The following TXNRD2 variants were observed in gnomAD, a reference collection of about 807,000 sequenced individuals.
The protein encoded by TXNRD2 is thioredoxin reductase 2, mitochondrial.
In TXNRD2, 67 loss-of-function variants were observed where a neutral mutation model predicts 70.8. The ratio of observed to expected loss-of-function variants is 0.95; its 90% confidence interval spans 0.78 to 1.16. The LOEUF (loss-of-function observed/expected upper bound fraction) is 1.16. Ranked by LOEUF, TXNRD2 falls within the 50% of genes most tolerant of loss-of-function variation. The pLI is 0.00. For synonymous variants in TXNRD2, 301 were observed against 295.8 expected (o/e 1.02, Z -0.18); for missense variants, 644 against 719.9 (o/e 0.89, Z 1.21).
intron 1 of TXNRD2, among the ~76,000 whole-genome samples, chr22:19,932,018 G>A (rs868756406): frequency 2.3e-4 from 35 of 151,774 alleles, no homozygotes; most frequent in South Asian, 1.7e-3. Flanking sequence ...AAAATTAGCC[G>A]GGCATGGTGG....
Position 19,895,436 on chromosome 22 carries a change from C to A in TXNRD2, c.920G>T (p.Gly307Val). The A allele has an allele frequency of 6.2e-7, 1 of 1,613,914 alleles. No individual in the cohort carries two copies. Among genetic ancestry groups the A allele is most frequent in the South Asian group, 1.1e-5 (1 of 91,078 alleles). Residue 307 changes from glycine to valine, a missense_variant, in exon 11 of 18, where the codon GGC becomes GTC. This residue lies in a region of TXNRD2 where 566 missense variants were observed against 645.0 expected (regional missense o/e 0.88). Coordinates refer to ENST00000400521, the MANE Select transcript of TXNRD2 (RefSeq NM_006440.5). ...EDSTTGKEDT[G>V]TFDTVLWAIG... Reference sequence around the variant, plus strand: ...GGCCCACAGGACGGTGTCAAAGGTGCCCGTGTCCTCCTTGCCGGTGGTGCT... The same window carrying A: ...GGCCCACAGGACGGTGTCAAAGGTGACCGTGTCCTCCTTGCCGGTGGTGCT...
In TXNRD2 at chr22:19,931,033, C is replaced by A; in HGVS notation, c.169G>T (p.Glu57Ter). Residue 57 changes from glutamate (E) to a stop codon, truncating the protein, a stop_gained, in exon 2 of 18, where the codon GAG (glutamate) becomes TAG (stop). Transcript: ENST00000400521. LOFTEE classifies it high-confidence loss of function. ...ACGAAGTATACAGAATACATACCCT[C>A]CTTGGCACAAGCCAGGCCACCAGAT... ...GGSGGLACAK[E>*]AAQLGRKVAV... is the part of the protein sequence containing the mutation. The A allele has an allele frequency of 6.2e-7, 1 of 1,613,786 alleles. No individual in the cohort carries two copies. Among genetic ancestry groups the A allele is most frequent in the Non-Finnish European group, 8.5e-7 (1 of 1,179,976 alleles).
intron 17 of TXNRD2, 65 bp downstream of exon 17, chr22:19,876,975 G>T: frequency 2.5e-6 from 3 of 1,212,638 alleles, no homozygotes. Flanking sequence ...GGGAGCCCAT[G>T]GCCAGGGCTC....
intron 2 of TXNRD2, among the ~76,000 whole-genome samples, chr22:19,930,388 A>G (rs562040559): frequency 6.6e-6 from 1 of 152,278 alleles, no homozygotes; most frequent in East Asian, 1.9e-4. Flanking sequence ...GAACTCCTAC[A>G]GCAGGGCACA....
At chr22:19,932,526 A>G in intron 1 of TXNRD2, 1 of 1,546,848 alleles carries the variant, frequency 6.5e-7, no homozygotes, top group Non-Finnish European at 8.7e-7. Flanking sequence ...AGAGAGGGGA[A>G]GTACACTGAA....
chr22:19,912,781 C>T (rs898964580), intron 7 of TXNRD2, among the ~76,000 whole-genome samples: 23 of 152,352 alleles, frequency 1.5e-4, no homozygotes, highest in African/African-American at 5.3e-4. Flanking sequence ...CAGACAAGTC[C>T]CACGGCCTCT....
chr22:19,893,576 C>G (rs1939360284), intron 11 of TXNRD2, among the ~76,000 whole-genome samples: 1 of 152,214 alleles, frequency 6.6e-6, no homozygotes, highest in African/African-American at 2.4e-5. Context: ...CCAGTCCCGT[C>G]AGACAGCCCC....
intron 12 of TXNRD2, among the ~76,000 whole-genome samples, chr22:19,882,389 C>T (rs1225558287): frequency 6.6e-6 from 1 of 152,076 alleles, no homozygotes; most frequent in Admixed American, 6.6e-5. Flanking sequence ...TTAGTAGAGA[C>T]GGTTTCACCA....
chr22:19,878,157 C>A lies in TXNRD2; in HGVS notation c.1378G>T (p.Val460Leu), dbSNP rs770442788. ...GGGCCAAGGAAATGCAGGCCCAGCACCAGCTGTGGGGGCTCCCTCAGGCAC... is the reference window on the plus strand; with the variant it reads ...GGGCCAAGGAAATGCAGGCCCAGCAACAGCTGTGGGGGCTCCCTCAGGCAC... ...MVCLREPPQL[V>L]LGLHFLGPNA... Residue 460 changes from valine (V) to leucine (L), a missense_variant, in exon 16 of 18, where the codon GTG becomes TTG. This residue lies in a region of TXNRD2 where 566 missense variants were observed against 645.0 expected (regional missense o/e 0.88). Transcript: ENST00000400521. 1 of 1,613,338 alleles carries A rather than the reference C, an allele frequency of 6.2e-7. No individual in the cohort carries two copies. The highest frequency in any genetic ancestry group is 1.7e-5 in the Admixed American group (1 of 60,028).
At chr22:19,877,278 AG>A in intron 16 of TXNRD2, 44 bp from the exon 17 acceptor site, 11 of 1,459,718 alleles carry the variant, frequency 7.5e-6, no homozygotes, top group South Asian at 1.1e-5. Flanking sequence ...CAGCACAGGG[AG>A]GGGGGTCCAC....
chr22:19,881,396 T>TC (rs1555907616), intron 12 of TXNRD2: 1 of 259,832 alleles, frequency 3.8e-6, no homozygotes, highest in African/African-American at 3.1e-5. Context: ...TACGGAAACA[T>TC]CCCGGCGGGC....
intron 14 of TXNRD2, among the ~76,000 whole-genome samples, chr22:19,879,710 G>A (rs2145930543): frequency 1.3e-5 from 2 of 152,266 alleles, no homozygotes; most frequent in East Asian, 3.9e-4. Flanking sequence ...GGTGGGGACA[G>A]CACAGAGGCA....
chr22:19,940,520 T>G (rs900013650), intron 1 of TXNRD2, among the ~76,000 whole-genome samples: 4 of 152,144 alleles, frequency 2.6e-5, no homozygotes, highest in African/African-American at 7.2e-5. Context: ...ACCTAGAAAT[T>G]TGGAATTTGG....
rs762625233 is a variant in TXNRD2 at position 19,918,925 on chromosome 22, C to T, written c.309G>A (p.Leu103=). The T allele has an allele frequency of 1.2e-6, 2 of 1,612,970 alleles. No homozygotes were observed. Among genetic ancestry groups the T allele is most frequent in the Admixed American group, 3.3e-5 (2 of 59,986 alleles). ...PKKLMHQAAL[L]GGLIQDAPNY... ...TGGGGGCATCTTGGATCAGGCCTCC[C>T]AGCAGTGCCGCCTGGTGCATCAGCT... is the stretch of plus-strand genomic sequence containing the variant. The change falls in exon 4 of 18, where the codon CTG becomes CTA. Residue 103 remains leucine, a synonymous_variant. Transcript: ENST00000400521.
At chr22:19,939,063 A>G (rs544233680) in intron 1 of TXNRD2, among the ~76,000 whole-genome samples, 1 of 152,328 alleles carries the variant, frequency 6.6e-6, no homozygotes, top group South Asian at 2.1e-4. Flanking sequence ...TAACGTGGGG[A>G]AGAGGGTATG....
intron 2 of TXNRD2, among the ~76,000 whole-genome samples, chr22:19,929,021 G>A (rs1941259693): frequency 7.3e-6 from 1 of 137,104 alleles, no homozygotes; most frequent in African/African-American, 2.7e-5. Context: ...AAAAAAAGAG[G>A]TAGTTAAGTT....
chr22:19,937,081 T>C (rs892823097), intron 1 of TXNRD2, among the ~76,000 whole-genome samples: 13 of 152,220 alleles, frequency 8.5e-5, no homozygotes, highest in African/African-American at 3.1e-4. Context: ...TTGCTTCCTA[T>C]AGACTGCGAC....
intron 1 of TXNRD2, chr22:19,933,569 T>C: frequency 8.0e-7 from 1 of 1,242,970 alleles, no homozygotes; most frequent in Non-Finnish European, 1.0e-6. Flanking sequence ...GATGTGCTTA[T>C]CTTGGGCAGC....
chr22:19,923,665 G>A (rs1193583449), intron 2 of TXNRD2, among the ~76,000 whole-genome samples: 2 of 152,054 alleles, frequency 1.3e-5, no homozygotes, highest in African/African-American at 4.8e-5. Context: ...AGCCAGGTGT[G>A]GTGGTGGGCG....
Sources: gnomAD v4.1 joint callset for allele counts (sites outside exome capture counted in the v4.1 genomes callset) on GRCh38, gnomAD v4.1.1 for gene constraint, gnomAD v4.1.1 regional missense constraint, MANE v1.5 for transcripts, NCBI Gene and HGNC (gene_info 2026-07-23, HGNC 2026-07-21) for gene names.